The following NFIA variants were observed in gnomAD, a reference collection of about 807,000 sequenced individuals.
NFIA encodes nuclear factor 1 A-type.
In NFIA, 8 loss-of-function variants were observed where a neutral mutation model predicts 62.8. The observed-to-expected ratio is 0.13, with a 90% CI of 0.07 to 0.23. The LOEUF is 0.23. NFIA is among the 10% of genes least tolerant of loss of function. NFIA has a pLI of 1.00. For missense variants in NFIA, 410 were observed against 642.1 expected, an observed-to-expected ratio of 0.64 and a Z score of 3.91; for synonymous variants, 235 against 238.1, an observed-to-expected ratio of 0.99 and a Z score of 0.12.
chr1:61,432,320 G>A (rs1667132362), intron 10 of NFIA, among the ~76,000 whole-genome samples: 1 of 150,204 alleles, frequency 6.7e-6, no homozygotes, highest in African/African-American at 2.5e-5. Context: ...GATAAAATTA[G>A]ACTCCTTTAC....
intron 4 of NFIA, among the ~76,000 whole-genome samples, chr1:61,351,410 A>T (rs1662543553): frequency 6.6e-6 from 1 of 152,148 alleles, no homozygotes; most frequent in Admixed American, 6.5e-5. Flanking sequence ...ATTTCTTCTG[A>T]TGGATACTAA....
chr1:61,288,922 C>A (rs917827087), intron 3 of NFIA, among the ~76,000 whole-genome samples: 1 of 152,182 alleles, frequency 6.6e-6, no homozygotes, highest in African/African-American at 2.4e-5. Context: ...CACACGCCAC[C>A]AAGCCCAGCT....
At chr1:61,316,305 A>T (rs754316283) in intron 3 of NFIA, among the ~76,000 whole-genome samples, 1 of 152,208 alleles carries the variant, frequency 6.6e-6, no homozygotes, top group Non-Finnish European at 1.5e-5. Context: ...CCCTGACCTT[A>T]TAAGAGTTTA....
At chr1:61,406,299 A>G (rs1374311764) in intron 8 of NFIA, among the ~76,000 whole-genome samples, 1 of 152,214 alleles carries the variant, frequency 6.6e-6, no homozygotes, top group African/African-American at 2.4e-5. Flanking sequence ...AACCAGATGC[A>G]AAGAAGGACA....
intron 7 of NFIA, among the ~76,000 whole-genome samples, chr1:61,384,361 CT>C (rs1664572739): frequency 6.6e-6 from 1 of 152,134 alleles, no homozygotes; most frequent in Non-Finnish European, 1.5e-5. Context: ...GGTAAGAGGG[CT>C]GTCCGGTGCA....
intron 3 of NFIA, among the ~76,000 whole-genome samples, chr1:61,311,410 CAAAA>C (rs5774552): frequency 6.6e-6 from 1 of 151,578 alleles, no homozygotes; most frequent in African/African-American, 2.4e-5. Context: ...AAAAAACAAA[CAAAA>C]AAAACATACT....
At chr1:61,122,737 TC>T (rs5774538) in intron 2 of NFIA, among the ~76,000 whole-genome samples, 11,573 of 152,240 alleles carry the variant, frequency 0.076, 430 homozygotes, top group East Asian at 0.097. Context: ...TTCTGTCTGT[TC>T]CAGATGAGCT....
intron 2 of NFIA, among the ~76,000 whole-genome samples, chr1:61,255,176 C>CACAAA (rs565606679): frequency 1.2e-4 from 19 of 152,256 alleles, no homozygotes; most frequent in South Asian, 4.1e-4. Context: ...AAAAAGCACA[C>CACAAA]ACAAAACAAA....
intron 3 of NFIA, among the ~76,000 whole-genome samples, chr1:61,317,571 A>C (rs1660432310): frequency 6.6e-6 from 1 of 152,074 alleles, no homozygotes; most frequent in Non-Finnish European, 1.5e-5. Context: ...AAATCAAAAA[A>C]TTCTAGAGAA....
At position 61,088,190 on chromosome 1, in the gene NFIA, C is replaced by A; in HGVS notation, c.69C>A (p.Val23=). ...TCATCGAAGCACTTCTGCCCCACGT[C>A]CGAGCCTTTGCCTACACATGGTTCA... ...HPFIEALLPH[V]RAFAYTWFNL... The change falls in exon 2 of 11, where the codon GTC becomes GTA. Residue 23 remains valine (V), a synonymous_variant. Transcript: ENST00000403491. This position sits in a 1 kb window ranked among gnomAD's most constrained non-coding sequence, Gnocchi z 4.5. 1 of 1,613,510 alleles carries A rather than the reference C, an allele frequency of 6.2e-7. No homozygotes were observed. Among genetic ancestry groups the A allele is most frequent in the African/African-American group, 1.3e-5 (1 of 74,800 alleles).
chr1:61,082,951 C>T (rs1646141433), intron 1 of NFIA, 133 bp downstream of exon 1: 2 of 399,384 alleles, frequency 5.0e-6, no homozygotes, highest in Admixed American at 2.0e-4. Flanking sequence ...TCTGTGTCTG[C>T]GCGTGTTTCT....
chr1:61,225,094 C>G (rs1654245737), intron 2 of NFIA, among the ~76,000 whole-genome samples: 3 of 151,874 alleles, frequency 2.0e-5, no homozygotes, highest in Non-Finnish European at 1.5e-5. Flanking sequence ...TAAGTTTGCT[C>G]CATTCCTCAA....
At chr1:61,281,841 G>A (rs994349844) in intron 3 of NFIA, among the ~76,000 whole-genome samples, 35 of 152,128 alleles carry the variant, frequency 2.3e-4, no homozygotes, top group African/African-American at 8.2e-4. Context: ...TGCACAGCCC[G>A]TAGATCTGTG....
rs117487290 is a variant in NFIA, at chr1:61,248,085, A to G, written c.560-29435A>G. Among the ~76,000 whole-genome samples, 775 of 152,274 alleles carry G rather than the reference A, an allele frequency of 5.1e-3. 6 individuals carry two copies. Among genetic ancestry groups the G allele is most frequent in the East Asian group, 0.018 (95 of 5,184 alleles). On this transcript the variant is annotated intron_variant, in intron 2 of 10. Transcript: ENST00000403491. ...TTCTGAAAAATCTAATTGAGCCAGC[A>G]TTTACCAAGCCCTTCTATGTCAGCT...
chr1:61,188,331 T>TA (rs1240988292), intron 2 of NFIA, among the ~76,000 whole-genome samples: 1 of 152,132 alleles, frequency 6.6e-6, no homozygotes, highest in African/African-American at 2.4e-5. Flanking sequence ...CACACAGAGT[T>TA]ACAACATAGC....
intron 3 of NFIA, among the ~76,000 whole-genome samples, chr1:61,322,057 G>C (rs1025440341): frequency 9.9e-5 from 15 of 152,162 alleles, no homozygotes; most frequent in African/African-American, 3.6e-4. Flanking sequence ...ATTATATAAA[G>C]AGTGGTAAAT....
intron 2 of NFIA, among the ~76,000 whole-genome samples, chr1:61,104,496 A>C (rs1186147246): frequency 1.3e-5 from 2 of 152,036 alleles, no homozygotes; most frequent in Non-Finnish European, 2.9e-5. Context: ...CACATATGTA[A>C]ATCTTCTTTG....
intron 4 of NFIA, among the ~76,000 whole-genome samples, chr1:61,336,191 G>A (rs1661596459): frequency 6.6e-6 from 1 of 152,016 alleles, no homozygotes; most frequent in East Asian, 1.9e-4. Context: ...AGGATTCTGT[G>A]CTTTTATTGA....
chr1:61,376,500 C>A (rs1377260069), intron 6 of NFIA, among the ~76,000 whole-genome samples: 1 of 152,138 alleles, frequency 6.6e-6, no homozygotes, highest in East Asian at 1.9e-4. Context: ...GTTAGAATCG[C>A]TGATAATTCA....
Sources: gnomAD v4.1 joint callset for allele counts (sites outside exome capture counted in the v4.1 genomes callset) on GRCh38, gnomAD v4.1.1 for gene constraint, Gnocchi (gnomAD v3.1) non-coding constraint, MANE v1.5 for transcripts, NCBI Gene and HGNC (gene_info 2026-07-23, HGNC 2026-07-21) for gene names.